Variants in NEBL observed in about 807,000 individuals in gnomAD.
NEBL encodes LIM and SH3 protein 2.
A neutral mutation model predicts 140.2 loss-of-function variants in NEBL; 122 were observed. The observed-to-expected ratio is 0.87, with a 90% CI of 0.75 to 1.01. The LOEUF (loss-of-function observed/expected upper bound fraction) is 1.01, where lower values mean the gene tolerates loss of function less well. NEBL is among the 50% of genes least tolerant of loss of function. The probability of loss-of-function intolerance (pLI) is 0.00; values close to 1 mark genes in which losing one functional copy is unlikely to be tolerated. For missense variants in NEBL, 1,365 were observed against 1,231.3 expected, an observed-to-expected ratio of 1.11 and a Z score of -1.62; for synonymous variants, 436 against 398.9, an observed-to-expected ratio of 1.09 and a Z score of -1.11.
intron 3 of NEBL, among the ~76,000 whole-genome samples, chr10:21,217,089 A>C (rs10828212): frequency 0.28 from 42,792 of 152,106 alleles, 10,943 homozygotes; most frequent in African/African-American, 0.69. Flanking sequence ...ACCTGATGTG[A>C]GTGTCGTTAG....
chr10:21,039,252 G>A (rs1351178383), intron 2 of NEBL, among the ~76,000 whole-genome samples: 1 of 151,854 alleles, frequency 6.6e-6, no homozygotes, highest in East Asian at 1.9e-4. Context: ...TGTCAATTTT[G>A]GCTTTTGTTG....
At chr10:20,789,566 T>C (rs981379164) in intron 26 of NEBL, among the ~76,000 whole-genome samples, 9 of 152,186 alleles carry the variant, frequency 5.9e-5, no homozygotes, top group African/African-American at 1.7e-4. Context: ...AAAATAAGTA[T>C]GCTGGGTATG....
intron 2 of NEBL, among the ~76,000 whole-genome samples, chr10:21,126,908 G>A (rs1037370845): frequency 1.3e-5 from 2 of 148,458 alleles, no homozygotes; most frequent in Non-Finnish European, 3.0e-5. Flanking sequence ...CCAGGGCGGG[G>A]AAGTTCTAGT....
At chr10:20,898,678 T>G (rs1471833430), upstream of NEBL, among the ~76,000 whole-genome samples, 1 of 152,222 alleles carries the variant, frequency 6.6e-6, no homozygotes, top group Admixed American at 6.5e-5. Flanking sequence ...CTAGAAGTTC[T>G]GAGAAGACCT....
chr10:20,931,127 T>A (rs975490538), intron 4 of NEBL, among the ~76,000 whole-genome samples: 3 of 149,522 alleles, frequency 2.0e-5, no homozygotes, highest in Non-Finnish European at 4.5e-5. Flanking sequence ...AAAAAAAAAA[T>A]AAACTCTCTA....
At chr10:20,820,231 C>A (rs988863156) in intron 19 of NEBL, among the ~76,000 whole-genome samples, 1 of 152,150 alleles carries the variant, frequency 6.6e-6, no homozygotes, top group African/African-American at 2.4e-5. Context: ...TCTGACCTAG[C>A]ATTATAGAAA....
intron 2 of NEBL, among the ~76,000 whole-genome samples, chr10:21,169,067 A>AAAAATATATATATATAT (rs1554830679): frequency 1.7e-4 from 4 of 23,062 alleles, no homozygotes; most frequent in Non-Finnish European, 2.6e-4. Context: ...AAAAAAAAAA[A>AAAAATATATATATATAT]ATATATATAT....
chr10:20,896,312 A>G (rs1229742834), intron 2 of NEBL, among the ~76,000 whole-genome samples: 1 of 151,704 alleles, frequency 6.6e-6, no homozygotes, highest in Admixed American at 6.6e-5. Context: ...TATATGTTCA[A>G]TCATTCAATA....
At position 21,250,706 on chromosome 10, in the gene NEBL, T is replaced by C. The variant is rs1842577539; in HGVS notation, n.279+1026A>G. On this transcript the variant is annotated intron_variant and non_coding_transcript_variant, in intron 2 of 8. Transcript: ENST00000675702. The stretch of plus-strand genomic sequence containing the variant: ...CAGGTGGATCACCTGAGTTCAGGGG[T>C]TCAAGACCAGCCTGGCCAACATGGT... Among the ~76,000 whole-genome samples, 3 of 151,306 alleles carry C rather than the reference T, an allele frequency of 2.0e-5. 1 individual carries two copies. Among genetic ancestry groups the C allele is most frequent in the Non-Finnish European group, 2.9e-5 (2 of 67,890 alleles).
At chr10:21,200,744 G>C (rs1259902542) in intron 3 of NEBL, among the ~76,000 whole-genome samples, 4 of 152,270 alleles carry the variant, frequency 2.6e-5, no homozygotes, top group African/African-American at 7.2e-5. Flanking sequence ...TGGCATACCT[G>C]GACCAATGTA....
chr10:21,041,598 A>G (rs1253346859), intron 2 of NEBL, among the ~76,000 whole-genome samples: 1 of 152,230 alleles, frequency 6.6e-6, no homozygotes, highest in Non-Finnish European at 1.5e-5. Flanking sequence ...TAAAATCACT[A>G]GAAGGATAGT....
chr10:21,061,267 A>ATGT (rs1491298725), intron 2 of NEBL, among the ~76,000 whole-genome samples: 301 of 144,510 alleles, frequency 2.1e-3, no homozygotes, highest in Middle Eastern at 4.1e-3. Context: ...GATATGTAAC[A>ATGT]TATTACATAT....
At chr10:20,804,098 A>T (rs1302810898) in intron 26 of NEBL, among the ~76,000 whole-genome samples, 1 of 152,144 alleles carries the variant, frequency 6.6e-6, no homozygotes, top group African/African-American at 2.4e-5. Flanking sequence ...ACAACAGTCA[A>T]CAAAACAGCC....
intron 3 of NEBL, among the ~76,000 whole-genome samples, chr10:21,210,317 C>T (rs1055422125): frequency 3.9e-5 from 6 of 152,122 alleles, no homozygotes; most frequent in Admixed American, 2.6e-4. Context: ...TCACTTGAAC[C>T]TGAGAGACGG....
At chr10:21,206,992 T>A (rs1387020714) in intron 3 of NEBL, among the ~76,000 whole-genome samples, 3 of 138,634 alleles carry the variant, frequency 2.2e-5, no homozygotes, top group South Asian at 2.3e-4. Flanking sequence ...TTTTTTTTTT[T>A]AGACAGAGTC....
chr10:20,872,034 A>G (rs756514014), intron 5 of NEBL, among the ~76,000 whole-genome samples: 2 of 152,188 alleles, frequency 1.3e-5, no homozygotes, highest in Non-Finnish European at 2.9e-5. Flanking sequence ...GCAGGGGGGA[A>G]ATGTCTTTTT....
chr10:20,803,696 TTA>T (rs1440061227), intron 26 of NEBL, among the ~76,000 whole-genome samples: 4 of 151,730 alleles, frequency 2.6e-5, no homozygotes, highest in African/African-American at 9.7e-5. Context: ...ACTCCACTTT[TTA>T]TAGAGTCAAT....
intron 2 of NEBL, among the ~76,000 whole-genome samples, chr10:21,075,150 A>G (rs1366445194): frequency 6.6e-6 from 1 of 152,154 alleles, no homozygotes; most frequent in Non-Finnish European, 1.5e-5. Flanking sequence ...AGAAAGAAGA[A>G]AGTAGATGAA....
chr10:21,053,355 G>A (rs942691443), intron 2 of NEBL, among the ~76,000 whole-genome samples: 4 of 152,076 alleles, frequency 2.6e-5, no homozygotes, highest in Non-Finnish European at 5.9e-5. Flanking sequence ...TGGCTTTCTA[G>A]ATGCTTTCTG....
Sources: allele counts gnomAD v4.1 joint callset (sites outside exome capture counted in the v4.1 genomes callset), GRCh38; gene constraint gnomAD v4.1.1; transcripts MANE v1.5; gene names NCBI Gene and HGNC (gene_info 2026-07-23, HGNC 2026-07-21).